Variants in CEP68 observed in about 807,000 individuals in gnomAD.
CEP68 encodes the protein centrosomal protein of 68 kDa.
CEP68 carries 26 observed loss-of-function variants against 55.3 expected under a neutral mutation model. The observed-to-expected ratio is 0.47, with a 90% CI of 0.34 to 0.65. The LOEUF (loss-of-function observed/expected upper bound fraction) is 0.65. CEP68 is among the 30% of genes least tolerant of loss of function. The pLI is 0.01. For missense variants in CEP68, 957 were observed against 946.7 expected (o/e 1.01, Z -0.14); for synonymous variants, 402 against 383.2 (o/e 1.05, Z -0.57).
At chr2:65,074,856 T>A (rs112534140) in intron 4 of CEP68, 1 of 253,070 alleles carries the variant, frequency 4.0e-6, no homozygotes, top group East Asian at 1.1e-4. Context: ...TCTCAGGGAT[T>A]ATAAATACAG....
At chr2:65,057,572 G>A (rs1282251740) in intron 1 of CEP68, among the ~76,000 whole-genome samples, 2 of 152,184 alleles carry the variant, frequency 1.3e-5, no homozygotes, top group Non-Finnish European at 2.9e-5. Flanking sequence ...ACCTTCTGCA[G>A]CCTCTGTTTT....
intron 1 of CEP68, among the ~76,000 whole-genome samples, chr2:65,068,506 A>G (rs1676304521): frequency 6.6e-6 from 1 of 152,194 alleles, no homozygotes; most frequent in Admixed American, 6.5e-5. Flanking sequence ...CACGTGCAGC[A>G]TAACCCAGGC....
In CEP68 at chr2:65,086,632, A is replaced by G. The variant is rs933737214; in HGVS notation, c.*2998A>G. 6.6e-6 allele frequency: 1 copy of G among 152,320 alleles called. No homozygotes were observed. Among genetic ancestry groups the G allele is most frequent in the African/African-American group, 2.4e-5 (1 of 41,466 alleles). 9.4% of individuals were successfully genotyped at this position (152,320 alleles called of 1,614,324 possible). A position where few individuals can be genotyped will look rare whatever the true frequency, so the allele number is the denominator to read the frequency against. The stretch of plus-strand genomic sequence containing the variant: ...TTTAAACAACTTTTACTGTGTAAAA[A>G]TGAAGTGCACGGCATGGCATCACAG... On this transcript the variant is annotated 3_prime_UTR_variant, in exon 7 of 7. Coordinates refer to ENST00000377990, the MANE Select transcript of CEP68 (RefSeq NM_015147.3).
chr2:65,080,077 G>A (rs919336060), intron 5 of CEP68, among the ~76,000 whole-genome samples: 4 of 151,672 alleles, frequency 2.6e-5, no homozygotes, highest in Non-Finnish European at 5.9e-5. Flanking sequence ...AAGTTGCAGC[G>A]AGCTGAGATT....
chr2:65,074,365 C>T lies in CEP68; in HGVS notation c.1968C>T (p.Ser656=). Residue 656 remains serine, a synonymous_variant, in exon 4 of 7, where the codon TCC becomes TCT. Transcript: ENST00000377990. ...DVTDHGTAAR[S]NLTSLKSSLQ... is the part of the protein sequence containing the mutation. ...CTGACCACGGGACTGCAGCCAGGTCCAATCTTACAAGTCTCAAGTCTTCTC... is the reference window on the plus strand; with the variant it reads ...CTGACCACGGGACTGCAGCCAGGTCTAATCTTACAAGTCTCAAGTCTTCTC... 6.2e-7 allele frequency: 1 copy of T among 1,614,172 alleles called. No homozygotes were observed. Among genetic ancestry groups the T allele is most frequent in the Non-Finnish European group, 8.5e-7 (1 of 1,179,992 alleles).
intron 4 of CEP68, 93 bp downstream of exon 4, chr2:65,074,497 G>A: frequency 6.4e-7 from 1 of 1,554,884 alleles, no homozygotes; most frequent in Non-Finnish European, 8.9e-7. Context: ...CCAATGTCTG[G>A]TATGTTATAG....
intron 1 of CEP68, among the ~76,000 whole-genome samples, chr2:65,061,518 A>G (rs1269950751): frequency 1.3e-5 from 2 of 152,248 alleles, no homozygotes; most frequent in Non-Finnish European, 2.9e-5. Context: ...GACACAGTCT[A>G]CCCTCCGTAG....
At chr2:65,079,855 C>T (rs548171832) in intron 5 of CEP68, among the ~76,000 whole-genome samples, 61 of 152,182 alleles carry the variant, frequency 4.0e-4, no homozygotes, top group South Asian at 8.3e-4. Flanking sequence ...GCCTCTAGTC[C>T]GGACACGGTG....
intron 4 of CEP68, chr2:65,074,606 C>A: frequency 1.4e-6 from 1 of 700,286 alleles, no homozygotes; most frequent in Non-Finnish European, 2.4e-6. Flanking sequence ...CCAAATGGAG[C>A]TTGAAGATAC....
Position 65,071,748 on chromosome 2 carries a change from G to C in CEP68, c.652G>C (p.Gly218Arg). The C allele has an allele frequency of 6.2e-7, 1 of 1,613,688 alleles. No individual in the cohort carries two copies. ...TCACCAGGAGAGGGCGGAGCCTCGT[G>C]GTGGTTCTCTGGCCAAGGTCTCCTC... ...QGHQERAEPR[G>R]GSLAKVSSSL... The change falls in exon 3 of 7, where the codon GGT (glycine) becomes CGT (arginine). Residue 218 changes from glycine (G) to arginine (R), a missense_variant. By Grantham distance (125) the Gly-to-Arg change is moderately radical (BLOSUM62 -2). Coordinates refer to ENST00000377990, the MANE Select transcript of CEP68 (RefSeq NM_015147.3).
chr2:65,068,159 G>A (rs749912275), intron 1 of CEP68, among the ~76,000 whole-genome samples: 2 of 152,114 alleles, frequency 1.3e-5, no homozygotes, highest in Non-Finnish European at 2.9e-5. Context: ...GGGCATTCAC[G>A]GTTCCGTTAC....
intron 4 of CEP68, 165 bp downstream of exon 4, chr2:65,074,569 T>TAA: frequency 6.1e-6 from 6 of 980,382 alleles, no homozygotes; most frequent in Non-Finnish European, 7.9e-6. Context: ...CGGAACGCTT[T>TAA]GTAAAATGCA....
At chr2:65,074,764 ACC>A (rs145470320) in intron 4 of CEP68, 4 of 202,866 alleles carry the variant, frequency 2.0e-5, no homozygotes, top group South Asian at 6.1e-5. Flanking sequence ...ACATAGCAAG[ACC>A]CCCCCCCCTC....
At chr2:65,066,745 A>AAAT (rs70943620) in intron 1 of CEP68, among the ~76,000 whole-genome samples, 1,366 of 58,200 alleles carry the variant, frequency 0.023, 36 homozygotes, top group African/African-American at 0.058. Context: ...AAAAAAAAAA[A>AAAT]ATATATATAT....
chr2:65,058,402 CTAT>C (rs2103737539), intron 1 of CEP68, among the ~76,000 whole-genome samples: 1 of 149,454 alleles, frequency 6.7e-6, no homozygotes, highest in East Asian at 2.0e-4. Context: ...TGACGTCTCT[CTAT>C]ATTGCCCAGG....
In CEP68 at chr2:65,071,885, C is replaced by A. The variant is rs755155433; in HGVS notation, c.789C>A (p.Gly263=). Residue 263 remains glycine, a synonymous_variant, in exon 3 of 7, where the codon GGC becomes GGA. Transcript: ENST00000377990. ...CTGGGGGTGATGCTTCTGGGCTAGG[C>A]AGGAGACGCCTCTCCTTCCAGGCTG... ...VFSGGDASGL[G]RRRLSFQAEY... is the part of the protein sequence containing the mutation. The A allele has an allele frequency of 2.2e-5, 35 of 1,611,336 alleles. No homozygotes were observed. The Middle Eastern group carries it at 4.9e-4, about 23-fold the overall frequency.
intron 1 of CEP68, among the ~76,000 whole-genome samples, chr2:65,065,308 G>A (rs1289916970): frequency 6.6e-6 from 1 of 152,198 alleles, no homozygotes; most frequent in Non-Finnish European, 1.5e-5. Context: ...GCATTGTTTG[G>A]ACTAGCAAAA....
chr2:65,086,519 G>C lies in CEP68; in HGVS notation c.*2885G>C, dbSNP rs1055204747. The C allele has an allele frequency of 6.6e-6, 1 of 152,112 alleles. No individual in the cohort carries two copies. Among genetic ancestry groups the C allele is most frequent in the Non-Finnish European group, 1.5e-5 (1 of 68,016 alleles). The allele number at this position is 152,112 out of a possible 1,614,324, so 9.4% of individuals were successfully genotyped here. On this transcript the variant is annotated 3_prime_UTR_variant, in exon 7 of 7. Transcript: ENST00000377990. ...TCTTTACTGCCATGGGGAAAAGAAC[G>C]CTGGAATTTTCCAAACTTAAGTCTG... is the stretch of plus-strand genomic sequence containing the variant.
At chr2:65,066,751 T>C (rs1339480260) in intron 1 of CEP68, among the ~76,000 whole-genome samples, 1 of 77,692 alleles carries the variant, frequency 1.3e-5, no homozygotes. Context: ...AAAAAATATA[T>C]ATATATATAT....
Sources: gnomAD v4.1 joint callset for allele counts (sites outside exome capture counted in the v4.1 genomes callset) on GRCh38, gnomAD v4.1.1 for gene constraint, MANE v1.5 for transcripts, NCBI Gene and HGNC (gene_info 2026-07-23, HGNC 2026-07-21) for gene names.